Variants in AGMO observed in about 807,000 individuals in gnomAD.
AGMO encodes alkylglycerol monooxygenase, also known as glyceryl-ether monooxygenase.
A neutral mutation model predicts 60.2 loss-of-function variants in AGMO; 75 were observed. That is an observed-to-expected ratio of 1.25 (90% CI 1.03 to 1.51). AGMO has a LOEUF of 1.51. Among genes scored for constraint, AGMO ranks in the 40% most tolerant of loss-of-function variants. AGMO has a pLI of 0.00. For missense variants in AGMO, 763 were observed against 525.5 expected (o/e 1.45, Z -4.42); for synonymous variants, 261 against 177.1 (o/e 1.47, Z -3.76).
Position 15,544,767 on chromosome 7 carries a change from C to T in AGMO, c.409+5G>A. The T allele has an allele frequency of 6.3e-7, 1 of 1,575,216 alleles. No individual in the cohort carries two copies. The highest frequency in any genetic ancestry group is 8.6e-7 in the Non-Finnish European group (1 of 1,161,910). ...GTTAACAAAAAGTCCTCATTTGCAG[C>T]TTACCATGAGCCATACGATGGAACC... is the stretch of plus-strand genomic sequence containing the variant. On this transcript the variant is annotated splice_donor_5th_base_variant and intron_variant, in intron 3 of 12. Coordinates refer to ENST00000342526, the MANE Select transcript of AGMO (RefSeq NM_001004320.2).
the AGMO span, among the ~76,000 whole-genome samples, chr7:15,189,344 C>G: frequency 0.12 from 18,477 of 151,214 alleles, 1,321 homozygotes; most frequent in South Asian, 0.26. Flanking sequence ...TTTTTCTTTT[C>G]CAGTGAATTA....
At chr7:15,459,599 TTGTGTG>T (rs754526222) in intron 3 of AGMO, among the ~76,000 whole-genome samples, 46 of 142,232 alleles carry the variant, frequency 3.2e-4, no homozygotes, top group African/African-American at 1.2e-3. Flanking sequence ...GTATGTGCGT[TTGTGTG>T]TGTGTGTGTG....
chr7:15,373,552 G>C (rs151214171), intron 10 of AGMO, among the ~76,000 whole-genome samples: 4 of 152,072 alleles, frequency 2.6e-5, no homozygotes. Flanking sequence ...TCTTCTTGAA[G>C]AGGACTATCA....
chr7:15,516,339 G>A (rs79005486), intron 3 of AGMO, among the ~76,000 whole-genome samples: 1,774 of 151,910 alleles, frequency 0.012, 35 homozygotes, highest in African/African-American at 0.04. Flanking sequence ...TCTATTTTAC[G>A]GTAAAAATGA....
chr7:15,385,155 A>G (rs1158694931), intron 10 of AGMO, among the ~76,000 whole-genome samples: 1 of 152,164 alleles, frequency 6.6e-6, no homozygotes, highest in Non-Finnish European at 1.5e-5. Flanking sequence ...AAGTATTTTT[A>G]TTGTAATTGT....
At chr7:15,464,428 T>C (rs1161635872) in intron 3 of AGMO, among the ~76,000 whole-genome samples, 1 of 152,204 alleles carries the variant, frequency 6.6e-6, no homozygotes, top group Admixed American at 6.6e-5. Flanking sequence ...ACATGGTATA[T>C]CTGGAAATAA....
intron 12 of AGMO, among the ~76,000 whole-genome samples, chr7:15,359,071 T>C (rs932065306): frequency 1.3e-5 from 2 of 152,062 alleles, no homozygotes; most frequent in Admixed American, 6.6e-5. Context: ...AGGCGGATCA[T>C]GAGGTCAGGA....
chr7:15,268,068 G>C (rs1410575070), intron 12 of AGMO, among the ~76,000 whole-genome samples: 4 of 151,786 alleles, frequency 2.6e-5, no homozygotes. Flanking sequence ...TATCTGTTAA[G>C]AGAAACATTA....
intron 12 of AGMO, among the ~76,000 whole-genome samples, chr7:15,350,958 CTCTGCCCA>C (rs1372958453): frequency 7.9e-5 from 12 of 152,228 alleles, no homozygotes; most frequent in African/African-American, 2.9e-4. Flanking sequence ...GTATGTGTTA[CTCTGCCCA>C]ACAAGTTATT....
At chr7:15,542,120 C>T (rs1000697735) in intron 3 of AGMO, among the ~76,000 whole-genome samples, 1 of 151,840 alleles carries the variant, frequency 6.6e-6, no homozygotes, top group Admixed American at 6.6e-5. Context: ...TTTCTAAAAA[C>T]CCATTTTAAT....
intron 12 of AGMO, among the ~76,000 whole-genome samples, chr7:15,256,141 T>C (rs1294891417): frequency 6.6e-6 from 1 of 152,144 alleles, no homozygotes; most frequent in Non-Finnish European, 1.5e-5. Flanking sequence ...CAGTTATTGG[T>C]AATGACAGAA....
intron 10 of AGMO, among the ~76,000 whole-genome samples, chr7:15,380,390 G>A (rs1271905508): frequency 2.0e-5 from 3 of 151,862 alleles, no homozygotes; most frequent in African/African-American, 7.3e-5. Flanking sequence ...AGCAAAATTA[G>A]GAATGAACTC....
the AGMO span, among the ~76,000 whole-genome samples, chr7:15,192,896 T>TA: frequency 6.6e-6 from 1 of 152,036 alleles, no homozygotes; most frequent in African/African-American, 2.4e-5. Flanking sequence ...AGCAAATTTT[T>TA]AAAAAACCTT....
chr7:15,289,087 A>C (rs1784183281), intron 12 of AGMO, among the ~76,000 whole-genome samples: 1 of 151,798 alleles, frequency 6.6e-6, no homozygotes, highest in South Asian at 2.1e-4. Flanking sequence ...CTTAACAGTA[A>C]TGGCAGAGCT....
intron 3 of AGMO, among the ~76,000 whole-genome samples, chr7:15,447,479 A>G (rs1781730560): frequency 6.6e-6 from 1 of 152,232 alleles, no homozygotes; most frequent in South Asian, 2.1e-4. Context: ...AAGTGCTATT[A>G]TAGAAGCAAG....
At chr7:15,482,853 T>A (rs1782797292) in intron 3 of AGMO, among the ~76,000 whole-genome samples, 1 of 152,210 alleles carries the variant, frequency 6.6e-6, no homozygotes. Flanking sequence ...GTTCAATTAA[T>A]CATATTTTTC....
chr7:15,551,369 A>G (rs1364306715), intron 2 of AGMO, among the ~76,000 whole-genome samples: 2 of 150,052 alleles, frequency 1.3e-5, no homozygotes. Flanking sequence ...GAAAAGAGGA[A>G]GTCAAATTGT....
At chr7:15,180,952 G>T in the AGMO span, among the ~76,000 whole-genome samples, 1 of 151,994 alleles carries the variant, frequency 6.6e-6, no homozygotes, top group Non-Finnish European at 1.5e-5. Flanking sequence ...CACAAGCAAG[G>T]GATACATAGA....
rs546579814 is a variant in AGMO, at chr7:15,294,356, T to C, written c.1263+71158A>G. Among the ~76,000 whole-genome samples, 20 of 151,652 alleles carry C rather than the reference T, an allele frequency of 1.3e-4. 1 individual carries two copies. Among genetic ancestry groups the C allele is most frequent in the African/African-American group, 4.8e-4 (20 of 41,406 alleles). ...TTTCTGGAGGTCCTTAAAAGTACAA[T>C]GAAAGACATGAAACAGAAATGAGAA... On this transcript the variant is annotated intron_variant, in intron 12 of 12. Coordinates refer to ENST00000342526, the MANE Select transcript of AGMO (RefSeq NM_001004320.2).
Sources: gnomAD v4.1 joint callset for allele counts (sites outside exome capture counted in the v4.1 genomes callset) on GRCh38, gnomAD v4.1.1 for gene constraint, MANE v1.5 for transcripts, NCBI Gene and HGNC (gene_info 2026-07-23, HGNC 2026-07-21) for gene names.